NEK4: variants seen among roughly 807,000 people sequenced by gnomAD.
The protein encoded by NEK4 is NIMA related kinase 4.
NEK4 carries 86 observed loss-of-function variants against 98.4 expected under a neutral mutation model. That is an observed-to-expected ratio of 0.87 (90% CI 0.73 to 1.05). The LOEUF (loss-of-function observed/expected upper bound fraction) is 1.05, where lower values mean the gene tolerates loss of function less well. NEK4 is among the 50% of genes least tolerant of loss of function. The probability of loss-of-function intolerance (pLI) is 0.00; values close to 1 mark genes in which losing one functional copy is unlikely to be tolerated. For synonymous variants in NEK4, 328 were observed against 342.2 expected (o/e 0.96, Z 0.46); for missense variants, 898 against 950.3 (o/e 0.94, Z 0.72).
intron 15 of NEK4, among the ~76,000 whole-genome samples, chr3:52,727,377 T>C (rs540042234): frequency 6.6e-6 from 1 of 152,328 alleles, no homozygotes; most frequent in South Asian, 2.1e-4. Context: ...ATTGTCTCAA[T>C]AGATTTTAAA....
At chr3:52,752,925 T>TACACACACACACACAC (rs1559441326) in intron 6 of NEK4, among the ~76,000 whole-genome samples, 2 of 43,170 alleles carry the variant, frequency 4.6e-5, no homozygotes, top group African/African-American at 1.8e-4. Flanking sequence ...AAAATATATA[T>TACACACACACACACAC]ATATATATAC....
chr3:52,726,598 CA>C (rs35224191), intron 15 of NEK4, among the ~76,000 whole-genome samples: 2,237 of 104,082 alleles, frequency 0.021, 56 homozygotes, highest in African/African-American at 0.08. Context: ...GACTCCGTCT[CA>C]AAAAAAAAAA....
chr3:52,737,714 T>C lies in NEK4; in HGVS notation c.2305A>G (p.Met769Val). Reference sequence around the variant, plus strand: ...CTCCTGATCTTTTCAGAACCTGGCATAATAGCTAAAAGGCAACAACAAAGA... The same window carrying C: ...CTCCTGATCTTTTCAGAACCTGGCACAATAGCTAAAAGGCAACAACAAAGA... ...IHFKELPSAI[M>V]PGSEKIRRLV... is the part of the protein sequence containing the mutation. Residue 769 changes from methionine (M) to valine (V), a missense_variant, in exon 15 of 16, where the codon ATG becomes GTG. Transcript: ENST00000233027. 1 of 1,608,436 alleles carries C rather than the reference T, an allele frequency of 6.2e-7. No homozygotes were observed. The highest frequency in any genetic ancestry group is 1.3e-5 in the African/African-American group (1 of 74,898).
At position 52,763,479 on chromosome 3, in the gene NEK4, G is replaced by C. The variant is rs1698432451; in HGVS notation, c.812C>G (p.Ala271Gly). The change falls in exon 5 of 16, where the codon GCC becomes GGC. Residue 271 changes from alanine to glycine, a missense_variant. By Grantham distance (60) the Ala-to-Gly change is moderately conservative. Coordinates refer to ENST00000233027, the MANE Select transcript of NEK4 (RefSeq NM_003157.6). ...AAGGGAAGTATCTTACATCTTTGTG[G>C]CCTCCAAAAAGAAGGAGATTTGCCG... ...IKRQISFFLE[A>G]TKIKTSKNNI... is the part of the protein sequence containing the mutation. 1.2e-6 allele frequency: 2 copies of C among 1,612,722 alleles called. No individual in the cohort carries two copies. Among genetic ancestry groups the C allele is most frequent in the Non-Finnish European group, 1.7e-6 (2 of 1,179,586 alleles).
At chr3:52,760,728 T>G (rs894772700) in intron 6 of NEK4, 67 bp downstream of exon 6, 1 of 1,039,932 alleles carries the variant, frequency 9.6e-7, no homozygotes, top group Admixed American at 2.2e-5. Context: ...CACAAAATAA[T>G]TTGCTTAGAT....
At chr3:52,737,325 A>G (rs1353079684) in intron 15 of NEK4, among the ~76,000 whole-genome samples, 1 of 152,188 alleles carries the variant, frequency 6.6e-6, no homozygotes, top group Admixed American at 6.5e-5. Flanking sequence ...AGAAGAAAAT[A>G]TAAAAATAAA....
At chr3:52,727,946 T>G (rs995410712) in intron 15 of NEK4, among the ~76,000 whole-genome samples, 17 of 152,102 alleles carry the variant, frequency 1.1e-4, no homozygotes, top group African/African-American at 2.9e-4. Context: ...AAAAGAAAGA[T>G]CTTGGGCTGG....
rs565585393 is a variant in NEK4, at chr3:52,751,005, C to T, written c.1368+927G>A. Among the ~76,000 whole-genome samples, 3 of 152,174 alleles carry T rather than the reference C, an allele frequency of 2.0e-5. No individual in the cohort carries two copies. In the South Asian group the frequency reaches 6.2e-4, roughly 32 times the overall value. Reference sequence around the variant, plus strand: ...CTACATCATAGATAAACCTTGAAAACATCAGGTTAAGTAAAAGAAGGCAGG... The same window carrying T: ...CTACATCATAGATAAACCTTGAAAATATCAGGTTAAGTAAAAGAAGGCAGG... On this transcript the variant is annotated intron_variant, in intron 7 of 15. Coordinates refer to ENST00000233027, the MANE Select transcript of NEK4 (RefSeq NM_003157.6).
chr3:52,726,957 G>C (rs531825015), intron 15 of NEK4, among the ~76,000 whole-genome samples: 1 of 144,844 alleles, frequency 6.9e-6, no homozygotes, highest in South Asian at 2.1e-4. Context: ...AGATCTAACA[G>C]GCATCTAAAA....
chr3:52,731,954 G>C (rs1465193221), intron 15 of NEK4, among the ~76,000 whole-genome samples: 5 of 152,194 alleles, frequency 3.3e-5, no homozygotes, highest in Non-Finnish European at 7.4e-5. Flanking sequence ...GTTTTATGAA[G>C]GGCAGTCCCC....
chr3:52,745,912 A>C (rs1283499668), intron 10 of NEK4, 149 bp downstream of exon 10: 2 of 690,780 alleles, frequency 2.9e-6, no homozygotes, highest in African/African-American at 1.8e-5. Flanking sequence ...TTGTAGAGAC[A>C]AGGTCTCACT....
chr3:52,765,151 G>C (rs1698506121), intron 4 of NEK4, among the ~76,000 whole-genome samples: 1 of 151,956 alleles, frequency 6.6e-6, no homozygotes, highest in Non-Finnish European at 1.5e-5. Flanking sequence ...AGGAGTTCGA[G>C]ACCATCCTGG....
At chr3:52,729,305 G>A (rs377625100) in intron 15 of NEK4, among the ~76,000 whole-genome samples, 4 of 152,138 alleles carry the variant, frequency 2.6e-5, no homozygotes, top group South Asian at 2.1e-4. Context: ...TCAGCTGGCC[G>A]ACATTTATGG....
intron 15 of NEK4, among the ~76,000 whole-genome samples, chr3:52,712,689 G>C (rs997989813): frequency 6.6e-6 from 1 of 152,224 alleles, no homozygotes; most frequent in African/African-American, 2.4e-5. Flanking sequence ...GAGTCTGGCT[G>C]CTCGGTGGAC....
chr3:52,751,152 A>C (rs13082960), intron 7 of NEK4, among the ~76,000 whole-genome samples: 52,225 of 151,806 alleles, frequency 0.34, 9,963 homozygotes, highest in Admixed American at 0.46. Context: ...CTGTACTAAA[A>C]ACACAAAAGT....
intron 15 of NEK4, among the ~76,000 whole-genome samples, chr3:52,723,356 T>C (rs1430220356): frequency 6.6e-6 from 1 of 152,178 alleles, no homozygotes; most frequent in African/African-American, 2.4e-5. Context: ...CAAGCGATTC[T>C]CGTGTCTCAG....
intron 15 of NEK4, among the ~76,000 whole-genome samples, chr3:52,721,073 G>C (rs1358956978): frequency 6.6e-6 from 1 of 152,210 alleles, no homozygotes; most frequent in Non-Finnish European, 1.5e-5. Context: ...ACATCTGGCG[G>C]AAGTCTTAGA....
chr3:52,751,745 G>A (rs1338392793), intron 7 of NEK4, among the ~76,000 whole-genome samples, 187 bp downstream of exon 7: 2 of 152,238 alleles, frequency 1.3e-5, no homozygotes, highest in Non-Finnish European at 2.9e-5. Flanking sequence ...TTGTGGGCAA[G>A]AGGGAATGGT....
Position 52,751,294 on chromosome 3 carries a change from A to C in NEK4, c.1368+638T>G, listed in dbSNP as rs562183175. 1.7e-4 allele frequency among the ~76,000 whole-genome samples: 26 copies of C among 152,218 alleles called. 1 individual carries two copies. The highest frequency in any genetic ancestry group is 1.0e-3 in the South Asian group (5 of 4,814). ...CACGGTGAAACCTCGTCTCTACTAA[A>C]AATACAAAAAAATTAGCCAGGTGTG... is the stretch of plus-strand genomic sequence containing the variant. On this transcript the variant is annotated intron_variant, in intron 7 of 15. Transcript: ENST00000233027.
Sources: gnomAD v4.1 joint callset for allele counts (sites outside exome capture counted in the v4.1 genomes callset) on GRCh38, gnomAD v4.1.1 for gene constraint, MANE v1.5 for transcripts, NCBI Gene and HGNC (gene_info 2026-07-23, HGNC 2026-07-21) for gene names.